PDE4D: variants seen among roughly 807,000 people sequenced by gnomAD.
The protein encoded by PDE4D is 3',5'-cyclic-AMP phosphodiesterase 4D.
PDE4D carries 24 observed loss-of-function variants against 87.4 expected under a neutral mutation model. The ratio of observed to expected loss-of-function variants is 0.27; its 90% CI spans 0.20 to 0.39. The LOEUF is 0.39. Ranked by LOEUF, PDE4D falls within the 10% of genes least tolerant of loss-of-function variation. The probability of loss-of-function intolerance (pLI) is 1.00; values close to 1 mark genes in which losing one functional copy is unlikely to be tolerated. For synonymous variants in PDE4D, 384 were observed against 383.2 expected, an observed-to-expected ratio of 1.00 and a Z score of -0.02; for missense variants, 714 against 1,041.0, an observed-to-expected ratio of 0.69 and a Z score of 4.32.
intron 1 of PDE4D, among the ~76,000 whole-genome samples, chr5:59,592,751 A>G (rs1201912515): frequency 6.6e-6 from 1 of 152,114 alleles, no homozygotes; most frequent in Non-Finnish European, 1.5e-5. Context: ...TAATATTTAT[A>G]CTTAAGAATC....
intron 2 of PDE4D, among the ~76,000 whole-genome samples, chr5:60,152,650 C>T (rs1388287815): frequency 1.5e-5 from 1 of 68,222 alleles, no homozygotes; most frequent in East Asian, 2.3e-4. Flanking sequence ...AAGACTCTGT[C>T]TCAAAAAAAA....
chr5:59,793,793 T>G (rs1033091509), intron 1 of PDE4D, among the ~76,000 whole-genome samples: 1 of 152,242 alleles, frequency 6.6e-6, no homozygotes, highest in African/African-American at 2.4e-5. Context: ...AAATGGCTTT[T>G]TTAATGTAAG....
chr5:59,535,470 G>T (rs527814362), intron 1 of PDE4D, among the ~76,000 whole-genome samples: 1 of 152,256 alleles, frequency 6.6e-6, no homozygotes, highest in East Asian at 1.9e-4. Flanking sequence ...TGATGCTAAT[G>T]AAACCAAAGT....
Position 59,403,142 on chromosome 5 carries a change from TAGACAGAC to T in PDE4D, c.456-187182_456-187175del, listed in dbSNP as rs58074813. ...TGTTGGTACATAATAGGTAGGTAGG[TAGACAGAC>T]AGACAGACAGACAGACAGACAGACA... On this transcript the variant is annotated intron_variant, in intron 1 of 14. Transcript: ENST00000340635. 1.5e-4 allele frequency among the ~76,000 whole-genome samples: 22 copies of T among 149,986 alleles called. 1 individual carries two copies. Among genetic ancestry groups the T allele is most frequent in the Middle Eastern group, 6.9e-3 (2 of 288 alleles).
chr5:59,691,981 A>C (rs1280091383), intron 1 of PDE4D, among the ~76,000 whole-genome samples: 3 of 152,072 alleles, frequency 2.0e-5, no homozygotes, highest in Non-Finnish European at 2.9e-5. Context: ...CCTGGGCAAA[A>C]TATAAATTGG....
At chr5:59,229,302 T>C (rs1379748363) in intron 1 of PDE4D, among the ~76,000 whole-genome samples, 2 of 152,214 alleles carry the variant, frequency 1.3e-5, no homozygotes, top group East Asian at 3.8e-4. Flanking sequence ...TTTACCATGG[T>C]TATCTGTGTA....
rs1201756955 is a variant in PDE4D at position 59,796,841 on chromosome 5, A to G, written c.455+96327T>C. 2.6e-5 allele frequency among the ~76,000 whole-genome samples: 4 copies of G among 152,122 alleles called. No individual in the cohort carries two copies. The East Asian group carries it at 7.7e-4, about 29-fold the overall frequency. ...ATGCAAGAATATGGATATCCCACTA[A>G]GCTATCTAGTTATGCTCAAACCCAA... On this transcript the variant is annotated intron_variant, in intron 1 of 14. Transcript: ENST00000340635.
intron 1 of PDE4D, among the ~76,000 whole-genome samples, chr5:59,574,389 G>T (rs1044731043): frequency 2.7e-5 from 4 of 150,806 alleles, no homozygotes; most frequent in Admixed American, 1.3e-4. Context: ...GAAAAGCTGC[G>T]GTTTAAAAAT....
In PDE4D at chr5:58,999,553, GTA is replaced by G. The variant is rs35776313; in HGVS notation, c.922-6090_922-6089del. On this transcript the variant is annotated intron_variant, in intron 6 of 14. Coordinates refer to ENST00000340635, the MANE Select transcript of PDE4D (RefSeq NM_001104631.2). ...TTCAGGCATTTTTGATTGATTATATGTATATATATATATATGTATATATATAG... is the reference window on the plus strand; with the variant it reads ...TTCAGGCATTTTTGATTGATTATATGTATATATATATATGTATATATATAG... 107,509 of 1,055,308 alleles carry G rather than the reference GTA, an allele frequency of 0.1. 4,885 individuals carry two copies. The highest frequency in any genetic ancestry group is 0.11 in the Non-Finnish European group (89,919 of 791,402). 65.4% of individuals were successfully genotyped at this position (1,055,308 alleles called of 1,614,324 possible).
chr5:60,126,225 C>G (rs1299453782), intron 2 of PDE4D, among the ~76,000 whole-genome samples: 1 of 150,790 alleles, frequency 6.6e-6, no homozygotes, highest in East Asian at 1.9e-4. Flanking sequence ...AGGTTGTTGA[C>G]TTACTCTCCC....
intron 1 of PDE4D, among the ~76,000 whole-genome samples, chr5:59,365,878 C>A (rs891369332): frequency 3.9e-5 from 6 of 151,990 alleles, no homozygotes; most frequent in African/African-American, 1.5e-4. Context: ...CCTTCTTATA[C>A]ACATAAAGAA....
In PDE4D at chr5:60,377,855, C is replaced by T. The variant is rs796366875; in HGVS notation, c.-90+110087G>A. 3.3e-5 allele frequency among the ~76,000 whole-genome samples: 5 copies of T among 152,110 alleles called. No homozygotes were observed. In the South Asian group the frequency reaches 1.0e-3, roughly 32 times the overall value. On this transcript the variant is annotated intron_variant, in intron 1 of 16. Coordinates refer to the PDE4D transcript ENST00000502484. ...AATATATTAACAGGATCTGATGAGA[C>T]TACAGATGAAAAACAATTCCTGAAA... is the stretch of plus-strand genomic sequence containing the variant.
chr5:59,630,425 C>A (rs1314397683), intron 1 of PDE4D, among the ~76,000 whole-genome samples: 2 of 152,092 alleles, frequency 1.3e-5, no homozygotes, highest in African/African-American at 2.4e-5. Flanking sequence ...TGTTTATAGA[C>A]CCTCACCTTC....
chr5:59,702,301 T>G (rs1314005279), intron 1 of PDE4D, among the ~76,000 whole-genome samples: 2 of 152,004 alleles, frequency 1.3e-5, no homozygotes, highest in Non-Finnish European at 2.9e-5. Context: ...TTTTTTGTAT[T>G]TTTTAGTAGA....
intron 1 of PDE4D, among the ~76,000 whole-genome samples, chr5:59,317,116 G>A (rs189055436): frequency 6.6e-6 from 1 of 152,264 alleles, no homozygotes; most frequent in Non-Finnish European, 1.5e-5. Flanking sequence ...CATGGCAGTT[G>A]TCTCTAACAG....
At chr5:59,343,243 T>C (rs1779063356) in intron 1 of PDE4D, among the ~76,000 whole-genome samples, 1 of 152,136 alleles carries the variant, frequency 6.6e-6, no homozygotes, top group African/African-American at 2.4e-5. Context: ...ATAGTCACCA[T>C]GTTGTACAGT....
chr5:60,425,615 G>C (rs1743638084), intron 1 of PDE4D, among the ~76,000 whole-genome samples: 1 of 152,148 alleles, frequency 6.6e-6, no homozygotes, highest in Admixed American at 6.5e-5. Flanking sequence ...TCAGGACACA[G>C]GCATGGGCAA....
At chr5:59,114,043 T>C (rs1489271397) in intron 5 of PDE4D, among the ~76,000 whole-genome samples, 1 of 152,196 alleles carries the variant, frequency 6.6e-6, no homozygotes, top group East Asian at 1.9e-4. Flanking sequence ...TAGTCATTTC[T>C]TAAGAAAAAA....
intron 3 of PDE4D, among the ~76,000 whole-genome samples, chr5:59,911,834 TG>T (rs1383508701): frequency 6.6e-6 from 1 of 152,184 alleles, no homozygotes; most frequent in Non-Finnish European, 1.5e-5. Flanking sequence ...ATTTTTTAGA[TG>T]TTTAAAGTAA....
Sources: allele counts gnomAD v4.1 joint callset (sites outside exome capture counted in the v4.1 genomes callset), GRCh38; gene constraint gnomAD v4.1.1; transcripts MANE v1.5; gene names NCBI Gene and HGNC (gene_info 2026-07-23, HGNC 2026-07-21).